Variants in RIPOR2 observed in about 807,000 individuals in gnomAD.
RIPOR2 encodes the protein RHO family interacting cell polarization regulator 2.
RIPOR2 carries 39 observed loss-of-function variants against 114.5 expected under a neutral mutation model. That is an observed-to-expected ratio of 0.34 (90% CI 0.26 to 0.44). The LOEUF (loss-of-function observed/expected upper bound fraction) is 0.44, where lower values mean the gene tolerates loss of function less well. Among genes scored for constraint, RIPOR2 ranks in the 20% least tolerant of loss-of-function variants. RIPOR2 has a pLI of 1.00. For synonymous variants in RIPOR2, 445 were observed against 484.4 expected (o/e 0.92, Z 1.07); for missense variants, 1,007 against 1,255.1 (o/e 0.80, Z 2.99).
intron 8 of RIPOR2, among the ~76,000 whole-genome samples, chr6:24,855,672 C>G (rs949104557): frequency 2.0e-5 from 3 of 152,050 alleles, no homozygotes; most frequent in Admixed American, 6.6e-5. Flanking sequence ...GTGATTTTAC[C>G]CATATAAAGA....
intron 11 of RIPOR2, 48 bp downstream of exon 11, chr6:24,849,754 C>A (rs1562259546): frequency 6.5e-7 from 1 of 1,543,648 alleles, no homozygotes; most frequent in Admixed American, 1.7e-5. Flanking sequence ...GTAGCACTAG[C>A]CGGTATCAGA....
intron 13 of RIPOR2, 83 bp downstream of exon 13, chr6:24,842,779 A>T (rs533830085): frequency 1.3e-5 from 10 of 748,536 alleles, no homozygotes; most frequent in Admixed American, 1.1e-4. Flanking sequence ...TTTTTTTTTT[A>T]AATGATACCT....
At position 24,812,287 on chromosome 6, in the gene RIPOR2, G is replaced by T. The variant is rs1031663577; in HGVS notation, c.2953-2480C>A. 4.6e-5 allele frequency among the ~76,000 whole-genome samples: 2 copies of T among 43,606 alleles called. 1 individual carries two copies. The highest frequency in any genetic ancestry group is 1.4e-4 in the Non-Finnish European group (2 of 14,300). The allele number at this position is 43,606 out of a possible 152,430, so 28.6% of individuals were successfully genotyped here. ...TCCACAATGGATGAACTAGTTTACAGTCCCACCAACAGTGTAAAAGTGTTC... is the reference window on the plus strand; with the variant it reads ...TCCACAATGGATGAACTAGTTTACATTCCCACCAACAGTGTAAAAGTGTTC... On this transcript the variant is annotated intron_variant, in intron 20 of 21. Transcript: ENST00000643898.
intron 1 of RIPOR2, among the ~76,000 whole-genome samples, chr6:24,916,681 G>C (rs1770103819): frequency 6.6e-6 from 1 of 152,226 alleles, no homozygotes; most frequent in Admixed American, 6.5e-5. Flanking sequence ...GAAAGACCCT[G>C]TTATCCTTTG....
chr6:25,024,113 G>A (rs1776475953), intron 1 of RIPOR2: 9 of 826,630 alleles, frequency 1.1e-5, no homozygotes, highest in South Asian at 8.0e-5. Flanking sequence ...AGCTCAAACC[G>A]GACCTGATAT....
intron 9 of RIPOR2, among the ~76,000 whole-genome samples, chr6:24,851,512 T>G (rs998515504): frequency 4.6e-5 from 7 of 152,192 alleles, no homozygotes; most frequent in Non-Finnish European, 1.0e-4. Flanking sequence ...TTGGTCAGAC[T>G]GCTTTAATGT....
chr6:24,860,058 C>T (rs1763914985), intron 8 of RIPOR2, among the ~76,000 whole-genome samples: 1 of 152,160 alleles, frequency 6.6e-6, no homozygotes, highest in South Asian at 2.1e-4. Flanking sequence ...TTTTCTAAAA[C>T]CAGACTTCGT....
intron 1 of RIPOR2, among the ~76,000 whole-genome samples, chr6:24,995,146 G>T (rs924899303): frequency 2.0e-5 from 3 of 152,216 alleles, no homozygotes; most frequent in East Asian, 1.9e-4. Flanking sequence ...TATTATGAGG[G>T]TTTTGTGCTA....
chr6:24,973,511 A>G (rs1054540979), intron 1 of RIPOR2, among the ~76,000 whole-genome samples: 3 of 151,498 alleles, frequency 2.0e-5, no homozygotes, highest in African/African-American at 4.9e-5. Context: ...GCAGGAGAAT[A>G]GCTTGAACCT....
chr6:24,825,140 TA>T, intron 19 of RIPOR2, 85 bp downstream of exon 19: 2 of 989,676 alleles, frequency 2.0e-6, no homozygotes, highest in East Asian at 2.6e-5. Context: ...ATTATTTTTA[TA>T]AAGGAATAAA....
chr6:24,830,053 C>T (rs1760536672), intron 17 of RIPOR2, among the ~76,000 whole-genome samples: 1 of 152,186 alleles, frequency 6.6e-6, no homozygotes. Flanking sequence ...GCAACCTCTG[C>T]CTCCCAGGTT....
At chr6:24,872,820 A>C (rs1562294873) in intron 4 of RIPOR2, 61 bp downstream of exon 4, 1 of 1,136,902 alleles carries the variant, frequency 8.8e-7, no homozygotes, top group East Asian at 2.4e-5. Flanking sequence ...CCCATCCAGT[A>C]AAAGAAGCTA....
chr6:24,902,127 G>C (rs988510193), intron 1 of RIPOR2, among the ~76,000 whole-genome samples: 2 of 152,204 alleles, frequency 1.3e-5, no homozygotes, highest in Admixed American at 1.3e-4. Context: ...GCTGGAGGAA[G>C]TAAGGGATCG....
intron 1 of RIPOR2, among the ~76,000 whole-genome samples, chr6:24,925,693 T>C (rs2114123150): frequency 6.7e-6 from 1 of 149,310 alleles, no homozygotes; most frequent in South Asian, 2.1e-4. Flanking sequence ...AGAGTGAGAC[T>C]CCATCTCAAA....
At chr6:24,833,515 AAAAC>A (rs1313618475) in intron 15 of RIPOR2, among the ~76,000 whole-genome samples, 1 of 151,474 alleles carries the variant, frequency 6.6e-6, no homozygotes, top group Non-Finnish European at 1.5e-5. Flanking sequence ...AACAAAAACA[AAAAC>A]AACAACAACA....
intron 3 of RIPOR2, among the ~76,000 whole-genome samples, chr6:24,873,222 A>G (rs941630087): frequency 6.6e-6 from 1 of 152,250 alleles, no homozygotes; most frequent in Non-Finnish European, 1.5e-5. Context: ...AAGGGGCAAG[A>G]GGTCTGTAGA....
chr6:24,810,511 A>T (rs749004046), intron 20 of RIPOR2, among the ~76,000 whole-genome samples: 12 of 152,206 alleles, frequency 7.9e-5, no homozygotes, highest in Admixed American at 1.3e-4. Context: ...ACAAATATTT[A>T]TTGAGCACTC....
intron 1 of RIPOR2, among the ~76,000 whole-genome samples, chr6:24,945,345 C>T (rs1002464837): frequency 6.6e-6 from 1 of 152,038 alleles, no homozygotes; most frequent in Non-Finnish European, 1.5e-5. Flanking sequence ...GTAGATTTGC[C>T]TTGTAAGAAA....
At chr6:24,828,353 T>G in intron 17 of RIPOR2, 58 bp from the exon 18 acceptor site, 1 of 1,289,652 alleles carries the variant, frequency 7.8e-7, no homozygotes, top group Non-Finnish European at 1.0e-6. Flanking sequence ...CATTCATTCA[T>G]TCATTCAATA....
Sources: gnomAD v4.1 joint callset for allele counts (sites outside exome capture counted in the v4.1 genomes callset) on GRCh38, gnomAD v4.1.1 for gene constraint, MANE v1.5 for transcripts, NCBI Gene and HGNC (gene_info 2026-07-23, HGNC 2026-07-21) for gene names.